Variants in DCHS2 observed in about 807,000 individuals in gnomAD.
DCHS2 encodes protocadherin-23.
In DCHS2, 142 loss-of-function variants were observed where a neutral mutation model predicts 182.4. The ratio of observed to expected loss-of-function variants is 0.78; its 90% CI spans 0.68 to 0.89. The LOEUF is 0.89. DCHS2 is among the 40% of genes least tolerant of loss of function. The pLI, the probability that DCHS2 is intolerant of heterozygous loss-of-function variation, is 0.00. For synonymous variants in DCHS2, 1,740 were observed against 1,663.3 expected, an observed-to-expected ratio of 1.05 and a Z score of -1.12; for missense variants, 4,319 against 4,198.6, an observed-to-expected ratio of 1.03 and a Z score of -0.79.
rs1349366164 is a variant in DCHS2 at position 154,437,597 on chromosome 4, C to T, written c.2052+51707G>A. Among the ~76,000 whole-genome samples the T allele has an allele frequency of 2.0e-5, 3 of 152,210 alleles. No individual in the cohort carries two copies. In the East Asian group the frequency reaches 5.8e-4, roughly 29 times the overall value. On this transcript the variant is annotated intron_variant, in intron 1 of 19. Coordinates refer to ENST00000357232, the MANE Select transcript of DCHS2 (RefSeq NM_001358235.2). ...GAGGGGAAATCTTTTAGAATCTATACAACCAATTTGTGCTATGGCCCCTGA... is the reference window on the plus strand; with the variant it reads ...GAGGGGAAATCTTTTAGAATCTATATAACCAATTTGTGCTATGGCCCCTGA...
chr4:154,299,513 T>C (rs1351354371), intron 12 of DCHS2, among the ~76,000 whole-genome samples: 1 of 152,166 alleles, frequency 6.6e-6, no homozygotes, highest in Non-Finnish European at 1.5e-5. Context: ...GCAGGCCCAA[T>C]AGTGTGGGAA....
chr4:154,463,319 T>C (rs1192916812), intron 1 of DCHS2, among the ~76,000 whole-genome samples: 1 of 152,084 alleles, frequency 6.6e-6, no homozygotes, highest in African/African-American at 2.4e-5. Flanking sequence ...TAAAAAATTA[T>C]ATAGGCTTTT....
chr4:154,365,515 G>A (rs1279146174), intron 3 of DCHS2, among the ~76,000 whole-genome samples: 2 of 151,632 alleles, frequency 1.3e-5, no homozygotes, highest in Non-Finnish European at 2.9e-5. Context: ...CTGTCACTCA[G>A]GCTGGAGGAC....
At chr4:154,310,938 G>T (rs888150750) in intron 10 of DCHS2, among the ~76,000 whole-genome samples, 1 of 152,134 alleles carries the variant, frequency 6.6e-6, no homozygotes, top group African/African-American at 2.4e-5. Context: ...AAGTTTTATT[G>T]AAATACACAC....
At chr4:154,477,728 A>C (rs1332675319) in intron 1 of DCHS2, among the ~76,000 whole-genome samples, 1 of 152,238 alleles carries the variant, frequency 6.6e-6, no homozygotes, top group African/African-American at 2.4e-5. Context: ...GACTCTCAAA[A>C]AGAGAAATAG....
At chr4:154,243,442 C>G (rs1039110771) in intron 16 of DCHS2, among the ~76,000 whole-genome samples, 1 of 152,174 alleles carries the variant, frequency 6.6e-6, no homozygotes, top group Non-Finnish European at 1.5e-5. Flanking sequence ...TTGTTACTGT[C>G]TTCAACTTCT....
chr4:154,311,391 C>T (rs1456263655), intron 10 of DCHS2, among the ~76,000 whole-genome samples: 2 of 148,452 alleles, frequency 1.3e-5, no homozygotes, highest in Admixed American at 1.4e-4. Context: ...GCCACCATAC[C>T]CAACAAATTT....
chr4:154,283,331 G>A (rs1040506154), intron 13 of DCHS2, among the ~76,000 whole-genome samples: 1 of 151,924 alleles, frequency 6.6e-6, no homozygotes, highest in Non-Finnish European at 1.5e-5. Flanking sequence ...TCCAAAATTT[G>A]TGGATAGGTG....
At chr4:154,469,551 T>G (rs930712888) in intron 1 of DCHS2, among the ~76,000 whole-genome samples, 1 of 152,190 alleles carries the variant, frequency 6.6e-6, no homozygotes, top group African/African-American at 2.4e-5. Flanking sequence ...AATCATTCTC[T>G]TGCTTAAACT....
At position 154,236,643 on chromosome 4, in the gene DCHS2, T is replaced by G. The variant is rs1731524008; in HGVS notation, c.8009A>C (p.Tyr2670Ser). ...DNPPNFSSLSYHTHVKESTPL... is the reference protein window; with the variant it reads ...DNPPNFSSLSSHTHVKESTPL... ...GGTGCTTTCCTTGACATGGGTGTGA[T>G]AGCTCAGGCTGCTGAAGTTTGGGGG... The change falls in exon 20 of 20, where the codon TAT (tyrosine) becomes TCT (serine). Residue 2670 changes from tyrosine to serine, a missense_variant. Tyr to Ser is a moderately radical substitution (Grantham distance 144, BLOSUM62 -2). Coordinates refer to ENST00000357232, the MANE Select transcript of DCHS2 (RefSeq NM_001358235.2). 4 of 1,614,046 alleles carry G rather than the reference T, an allele frequency of 2.5e-6. No homozygotes were observed. In the African/African-American group the frequency reaches 4.0e-5, roughly 16 times the overall value.
chr4:154,372,905 T>C (rs1335206975), intron 2 of DCHS2, among the ~76,000 whole-genome samples: 1 of 152,146 alleles, frequency 6.6e-6, no homozygotes, highest in Non-Finnish European at 1.5e-5. Flanking sequence ...CGAACATCAA[T>C]GTATTTTACA....
chr4:154,488,177 C>T (rs924197583), intron 1 of DCHS2, among the ~76,000 whole-genome samples: 1 of 143,198 alleles, frequency 7.0e-6, no homozygotes, highest in African/African-American at 2.6e-5. Context: ...GACCTTGTCT[C>T]AAAAAAATAA....
chr4:154,456,094 A>G (rs1023706890), intron 1 of DCHS2, among the ~76,000 whole-genome samples: 4 of 152,140 alleles, frequency 2.6e-5, no homozygotes, highest in African/African-American at 7.2e-5. Flanking sequence ...CATTTAAAAA[A>G]AAAAAAAGTA....
chr4:154,262,368 G>A (rs1340062678), intron 14 of DCHS2, among the ~76,000 whole-genome samples: 1 of 152,170 alleles, frequency 6.6e-6, no homozygotes, highest in East Asian at 1.9e-4. Flanking sequence ...GATAATACAT[G>A]GGTAGTTTTC....
At chr4:154,413,052 A>T (rs938950748) in intron 1 of DCHS2, among the ~76,000 whole-genome samples, 1 of 152,210 alleles carries the variant, frequency 6.6e-6, no homozygotes, top group Admixed American at 6.5e-5. Context: ...ACTGGTAGGG[A>T]GGTTAGAAGA....
intron 1 of DCHS2, among the ~76,000 whole-genome samples, chr4:154,470,568 G>GT (rs1424206108): frequency 6.6e-6 from 1 of 151,834 alleles, no homozygotes; most frequent in Non-Finnish European, 1.5e-5. Context: ...CTTGCATGAG[G>GT]TTTTTAGACT....
chr4:154,237,715 A>C (rs1731600654), intron 19 of DCHS2: 1 of 152,246 alleles, frequency 6.6e-6, no homozygotes. Flanking sequence ...TATTGTACTA[A>C]ATATAGAAAT....
intron 14 of DCHS2, among the ~76,000 whole-genome samples, chr4:154,267,549 A>G (rs911052111): frequency 1.3e-5 from 2 of 152,088 alleles, no homozygotes; most frequent in Non-Finnish European, 2.9e-5. Context: ...TTTGTTTCAG[A>G]GAGCATGTGG....
chr4:154,379,275 C>T (rs1731062185), intron 1 of DCHS2, among the ~76,000 whole-genome samples: 1 of 152,182 alleles, frequency 6.6e-6, no homozygotes, highest in South Asian at 2.1e-4. Flanking sequence ...ATGGAAGAGG[C>T]ATTCTGGCTT....
Sources: allele counts gnomAD v4.1 joint callset (sites outside exome capture counted in the v4.1 genomes callset), GRCh38; gene constraint gnomAD v4.1.1; transcripts MANE v1.5; gene names NCBI Gene and HGNC (gene_info 2026-07-23, HGNC 2026-07-21).